The following FRMD3 variants were observed in gnomAD, a reference collection of about 807,000 sequenced individuals.
FRMD3 encodes FERM domain-containing protein 3.
A neutral mutation model predicts 70.2 loss-of-function variants in FRMD3; 33 were observed. The ratio of observed to expected loss-of-function variants is 0.47; its 90% CI spans 0.36 to 0.63. The LOEUF is 0.63. Among genes scored for constraint, FRMD3 ranks in the 20% least tolerant of loss-of-function variants. The pLI is 0.00. For missense variants in FRMD3, 632 were observed against 711.4 expected (o/e 0.89, Z 1.27); for synonymous variants, 279 against 255.9 (o/e 1.09, Z -0.86).
chr9:83,434,536 C>T (rs74510699), intron 1 of FRMD3, among the ~76,000 whole-genome samples: 1,817 of 152,308 alleles, frequency 0.012, 49 homozygotes, highest in African/African-American at 0.042. Context: ...CCCATCCCTT[C>T]CTGCTTACCC....
At chr9:83,382,747 G>C (rs1825395207) in intron 2 of FRMD3, among the ~76,000 whole-genome samples, 1 of 152,034 alleles carries the variant, frequency 6.6e-6, no homozygotes, top group African/African-American at 2.4e-5. Flanking sequence ...TTTCTGCTCT[G>C]TCTGATCTTT....
At chr9:83,539,472 T>C (rs763785831), upstream of FRMD3, among the ~76,000 whole-genome samples, 1 of 152,126 alleles carries the variant, frequency 6.6e-6, no homozygotes, top group Non-Finnish European at 1.5e-5. Flanking sequence ...GAACAGGTCA[T>C]TAGGAAGGAA....
intron 2 of FRMD3, among the ~76,000 whole-genome samples, chr9:83,382,490 A>G (rs1215765950): frequency 6.6e-6 from 1 of 152,244 alleles, no homozygotes; most frequent in Non-Finnish European, 1.5e-5. Context: ...AAATTGAGAC[A>G]CAGAGGGTGT....
intron 1 of FRMD3, among the ~76,000 whole-genome samples, chr9:83,404,080 A>G (rs1026559732): frequency 1.3e-5 from 2 of 151,968 alleles, no homozygotes; most frequent in East Asian, 1.9e-4. Flanking sequence ...ACACACACAC[A>G]CACACACACA....
rs752271594 is a variant in FRMD3 at position 83,272,634 on chromosome 9, C to T, written c.1195+17969G>A. Among the ~76,000 whole-genome samples the T allele has an allele frequency of 8.0e-4, 79 of 98,752 alleles. 1 individual carries two copies. Among genetic ancestry groups the T allele is most frequent in the Non-Finnish European group, 1.4e-3 (68 of 48,696 alleles). 64.8% of individuals were successfully genotyped at this position (98,752 alleles called of 152,430 possible). ...CTGGGAAGTGAGGAGCGCCTCTGCC[C>T]GGCTGCCCAGTCTGGTAAGTGAGGA... On this transcript the variant is annotated intron_variant, in intron 13 of 13. Coordinates refer to ENST00000304195, the MANE Select transcript of FRMD3 (RefSeq NM_174938.6).
In FRMD3 at chr9:83,312,294, C is replaced by T. The variant is rs75307473; in HGVS notation, c.685-319G>A. Among the ~76,000 whole-genome samples the T allele has an allele frequency of 9.2e-5, 14 of 152,322 alleles. No homozygotes were observed. In the East Asian group the frequency reaches 2.7e-3, roughly 29 times the overall value. On this transcript the variant is annotated intron_variant, in intron 7 of 13. Transcript: ENST00000304195. ...TTCCGGGGCTGCCTGTGTTCTAGGT[C>T]TGCTTTGTAATGTGAGAAAACTGTT...
intron 1 of FRMD3, among the ~76,000 whole-genome samples, chr9:83,431,703 A>T (rs1481437500): frequency 1.3e-5 from 2 of 152,164 alleles, no homozygotes; most frequent in Admixed American, 6.5e-5. Context: ...TTTGTTGACC[A>T]TGAGGCCCTT....
intron 1 of FRMD3, among the ~76,000 whole-genome samples, chr9:83,477,740 C>CTTGACTAA (rs1365199775): frequency 1.1e-4 from 17 of 152,150 alleles, no homozygotes; most frequent in Admixed American, 6.5e-5. Flanking sequence ...CACTTAGCTG[C>CTTGACTAA]TTGACTAATT....
At chr9:83,508,188 C>T (rs530493434) in intron 1 of FRMD3, among the ~76,000 whole-genome samples, 55 of 152,240 alleles carry the variant, frequency 3.6e-4, no homozygotes, top group African/African-American at 1.2e-3. Context: ...ATGCTTTTTA[C>T]GTAAAATTAC....
At chr9:83,252,758 C>A (rs1233414354) in intron 13 of FRMD3, among the ~76,000 whole-genome samples, 13 of 152,126 alleles carry the variant, frequency 8.5e-5, no homozygotes, top group Admixed American at 1.3e-4. Context: ...CAACAAAGAT[C>A]AAAAAAGACA....
intron 13 of FRMD3, among the ~76,000 whole-genome samples, chr9:83,253,145 C>T (rs1273202881): frequency 6.6e-6 from 1 of 152,070 alleles, no homozygotes; most frequent in Non-Finnish European, 1.5e-5. Flanking sequence ...CCAAGAAATG[C>T]AAAAGAACTG....
chr9:83,282,541 T>A (rs1214933490), intron 13 of FRMD3, among the ~76,000 whole-genome samples: 1 of 11,186 alleles, frequency 8.9e-5, no homozygotes, highest in Non-Finnish European at 1.0e-3. Context: ...AGTCTTGGAT[T>A]TTTTTTTTTT....
chr9:83,479,343 GA>G (rs202181433), intron 1 of FRMD3, among the ~76,000 whole-genome samples: 11 of 63,234 alleles, frequency 1.7e-4, no homozygotes, highest in African/African-American at 3.8e-4. Flanking sequence ...AGAAGAGGAA[GA>G]AGGAGGAGGA....
In FRMD3 at chr9:83,245,588, A is replaced by G; in HGVS notation, c.*2330T>C. On this transcript the variant is annotated 3_prime_UTR_variant, in exon 14 of 14. Transcript: ENST00000304195. ...AGATAAATCTGCATCGTTGGATTAC[A>G]TGTGATATTTATACTATCATATTTT... is the stretch of plus-strand genomic sequence containing the variant. The G allele has an allele frequency of 2.4e-6, 2 of 837,242 alleles. No homozygotes were observed. The highest frequency in any genetic ancestry group is 1.4e-6 in the Non-Finnish European group (1 of 694,790). The allele number at this position is 837,242 out of a possible 1,614,324, so 51.9% of individuals were successfully genotyped here. A position where few individuals can be genotyped will look rare whatever the true frequency, so the allele number is the denominator to read the frequency against.
intron 1 of FRMD3, among the ~76,000 whole-genome samples, chr9:83,475,159 AGAC>A (rs1477337438): frequency 2.6e-5 from 4 of 152,210 alleles, no homozygotes; most frequent in African/African-American, 9.6e-5. Flanking sequence ...AAAAAAAAGC[AGAC>A]AACAGAAACA....
At chr9:83,401,406 C>T (rs970914123) in intron 1 of FRMD3, among the ~76,000 whole-genome samples, 1 of 152,122 alleles carries the variant, frequency 6.6e-6, no homozygotes, top group Non-Finnish European at 1.5e-5. Context: ...CTCTTCATCT[C>T]AGAAATGGGG....
chr9:83,363,363 G>T (rs1019629983), intron 3 of FRMD3, among the ~76,000 whole-genome samples: 1 of 152,056 alleles, frequency 6.6e-6, no homozygotes, highest in African/African-American at 2.4e-5. Flanking sequence ...ATACATGTCT[G>T]CCTGTTTTTC....
At chr9:83,317,805 C>T (rs1429649908) in intron 6 of FRMD3, among the ~76,000 whole-genome samples, 1 of 152,130 alleles carries the variant, frequency 6.6e-6, no homozygotes, top group African/African-American at 2.4e-5. Flanking sequence ...CACCCTTAAA[C>T]TCTAGGACAT....
intron 2 of FRMD3, among the ~76,000 whole-genome samples, chr9:83,375,150 G>C (rs1181816581): frequency 6.6e-6 from 1 of 152,180 alleles, no homozygotes; most frequent in Non-Finnish European, 1.5e-5. Flanking sequence ...CCAGGTGCAG[G>C]CTCTGAGAGA....
Sources: allele counts gnomAD v4.1 joint callset (sites outside exome capture counted in the v4.1 genomes callset), GRCh38; gene constraint gnomAD v4.1.1; transcripts MANE v1.5; gene names NCBI Gene and HGNC (gene_info 2026-07-23, HGNC 2026-07-21).